The following RAB27B variants were observed in gnomAD, a reference collection of about 807,000 sequenced individuals.
RAB27B encodes ras-related protein Rab-27B.
In RAB27B, 15 loss-of-function variants were observed where a neutral mutation model predicts 24.6. That is an observed-to-expected ratio of 0.61 (90% CI 0.41 to 0.94). The LOEUF is 0.94. RAB27B is among the 40% of genes least tolerant of loss of function. RAB27B has a pLI of 0.00. For synonymous variants in RAB27B, 105 were observed against 92.5 expected, an observed-to-expected ratio of 1.14 and a Z score of -0.78; for missense variants, 261 against 266.8, an observed-to-expected ratio of 0.98 and a Z score of 0.15.
chr18:54,878,676 A>G (rs1213182562), intron 2 of RAB27B, among the ~76,000 whole-genome samples: 1 of 152,118 alleles, frequency 6.6e-6, no homozygotes, highest in East Asian at 1.9e-4. Flanking sequence ...TTTAAAACGT[A>G]TTCACTAAAC....
At chr18:54,889,190 C>A in intron 5 of RAB27B, 34 bp from the exon 6 acceptor site, 1 of 1,567,494 alleles carries the variant, frequency 6.4e-7, no homozygotes, top group Non-Finnish European at 8.6e-7. Flanking sequence ...TGATTTCTTC[C>A]TCTCAAAAAT....
chr18:54,852,751 T>A (rs1911636478), intron 1 of RAB27B, among the ~76,000 whole-genome samples: 2 of 152,340 alleles, frequency 1.3e-5, no homozygotes, highest in South Asian at 4.1e-4. Flanking sequence ...CTAATGAACC[T>A]TATTGTTCCC....
rs182349881 is a variant in RAB27B, at chr18:54,807,191, G to A, written c.-19-70376G>A. On this transcript the variant is annotated intron_variant, in intron 2 of 4. Coordinates refer to the RAB27B transcript ENST00000586570. ...TGGGATTACAGGCATGAGCCACCGCGCCCGGCCTAAGCTAATTTTGAAATG... is the reference window on the plus strand; with the variant it reads ...TGGGATTACAGGCATGAGCCACCGCACCCGGCCTAAGCTAATTTTGAAATG... 1.8e-4 allele frequency among the ~76,000 whole-genome samples: 28 copies of A among 152,298 alleles called. No homozygotes were observed. The East Asian group carries it at 4.8e-3, about 26-fold the overall frequency.
chr18:54,838,544 G>A (rs373347317), intron 1 of RAB27B, among the ~76,000 whole-genome samples: 2 of 152,200 alleles, frequency 1.3e-5, no homozygotes, highest in Non-Finnish European at 1.5e-5. Flanking sequence ...CTACTTGTTC[G>A]ATTGAGATAT....
chr18:54,876,268 C>T (rs901637594), intron 1 of RAB27B, among the ~76,000 whole-genome samples: 3 of 152,162 alleles, frequency 2.0e-5, no homozygotes, highest in Non-Finnish European at 4.4e-5. Context: ...TCTCCCTTGA[C>T]ATGTGGGGAT....
chr18:54,726,982 T>C (rs1172852233), intron 2 of RAB27B, among the ~76,000 whole-genome samples: 1 of 152,216 alleles, frequency 6.6e-6, no homozygotes, highest in Non-Finnish European at 1.5e-5. Flanking sequence ...AGAGTTTCTA[T>C]TTTTGTTTGT....
At chr18:54,751,023 C>A (rs934599024) in intron 2 of RAB27B, among the ~76,000 whole-genome samples, 7 of 152,162 alleles carry the variant, frequency 4.6e-5, no homozygotes, top group South Asian at 4.2e-4. Context: ...TGACAGTCTG[C>A]AGAGAGGCCC....
chr18:54,737,096 A>G (rs533607321), intron 2 of RAB27B, among the ~76,000 whole-genome samples: 1 of 152,160 alleles, frequency 6.6e-6, no homozygotes, highest in East Asian at 1.9e-4. Context: ...CTCATTCACA[A>G]TTGCTCAAAA....
intron 2 of RAB27B, among the ~76,000 whole-genome samples, chr18:54,724,452 C>T (rs368079971): frequency 5.9e-5 from 9 of 151,308 alleles, no homozygotes; most frequent in African/African-American, 1.7e-4. Flanking sequence ...GGCTGGGTGC[C>T]GTGGCTCATG....
intron 2 of RAB27B, among the ~76,000 whole-genome samples, chr18:54,808,406 G>T (rs1909861025): frequency 6.6e-6 from 1 of 152,162 alleles, no homozygotes; most frequent in Non-Finnish European, 1.5e-5. Context: ...CATCACTTAT[G>T]CACATATTTC....
rs56409312 is a variant in RAB27B, at chr18:54,873,685, CTGTGTGTGTGTG to C, written c.-19-3849_-19-3838del. Among the ~76,000 whole-genome samples, 654 of 140,838 alleles carry C rather than the reference CTGTGTGTGTGTG, an allele frequency of 4.6e-3. 1 individual carries two copies. Among genetic ancestry groups the C allele is most frequent in the South Asian group, 8.4e-3 (35 of 4,154 alleles). 92.4% of individuals were successfully genotyped at this position (140,838 alleles called of 152,430 possible). A position where few individuals can be genotyped will look rare whatever the true frequency, so the allele number is the denominator to read the frequency against. On this transcript the variant is annotated intron_variant, in intron 1 of 5. Transcript: ENST00000262094. ...ATAAAAAGAGGAGCTGAGCCAAATC[CTGTGTGTGTGTG>C]TGTGTGTGTGTGTGTGTGTGTGTGT...
intron 1 of RAB27B, among the ~76,000 whole-genome samples, chr18:54,870,762 C>T (rs983813945): frequency 2.2e-3 from 330 of 152,198 alleles, no homozygotes; most frequent in African/African-American, 7.3e-3. Context: ...ATACACCATG[C>T]CAACTGTGGT....
intron 3 of RAB27B, among the ~76,000 whole-genome samples, chr18:54,883,099 T>A (rs1165322117): frequency 2.0e-5 from 3 of 152,092 alleles, no homozygotes; most frequent in African/African-American, 7.2e-5. Flanking sequence ...AGAAGGGTGG[T>A]GATGTCATAA....
intron 2 of RAB27B, among the ~76,000 whole-genome samples, chr18:54,796,548 AG>A (rs944251885): frequency 6.6e-6 from 1 of 152,180 alleles, no homozygotes; most frequent in African/African-American, 2.4e-5. Flanking sequence ...CCCTGGAGTC[AG>A]GATGCCCAGA....
rs1040102494 is a variant in RAB27B, at chr18:54,875,461, T to A, written c.-19-2106T>A. ...ATCCTTCATGGCAATAATTGAGACA[T>A]GTGTATCCTTTTATTAAGGAAGACG... On this transcript the variant is annotated intron_variant, in intron 1 of 5. Transcript: ENST00000262094. Among the ~76,000 whole-genome samples, 3 of 152,138 alleles carry A rather than the reference T, an allele frequency of 2.0e-5. No homozygotes were observed. In the South Asian group the frequency reaches 6.2e-4, roughly 32 times the overall value.
intron 2 of RAB27B, among the ~76,000 whole-genome samples, chr18:54,796,125 G>T (rs913780089): frequency 6.6e-6 from 1 of 152,104 alleles, no homozygotes; most frequent in African/African-American, 2.4e-5. Context: ...GTGTGACAGG[G>T]GTGGCTCGCT....
At chr18:54,813,564 A>G (rs2009198) in intron 2 of RAB27B, among the ~76,000 whole-genome samples, 34,670 of 152,038 alleles carry the variant, frequency 0.23, 4,219 homozygotes, top group East Asian at 0.41. Context: ...TCACCATGTG[A>G]TACCCTGGCT....
chr18:54,796,455 A>G (rs550143309), intron 2 of RAB27B, among the ~76,000 whole-genome samples: 19 of 152,272 alleles, frequency 1.2e-4, no homozygotes, highest in Admixed American at 1.0e-3. Flanking sequence ...AGGTGAATGC[A>G]AGCTTTTATT....
intron 2 of RAB27B, among the ~76,000 whole-genome samples, chr18:54,815,016 AT>A (rs1209563340): frequency 1.3e-5 from 2 of 152,146 alleles, no homozygotes; most frequent in East Asian, 1.9e-4. Context: ...CTTTACAGGC[AT>A]TTTTTTCCCT....
Sources: allele counts gnomAD v4.1 joint callset (sites outside exome capture counted in the v4.1 genomes callset), GRCh38; gene constraint gnomAD v4.1.1; transcripts MANE v1.5; gene names NCBI Gene and HGNC (gene_info 2026-07-23, HGNC 2026-07-21).